The following AMPD2 variants were observed in gnomAD, a reference collection of about 807,000 sequenced individuals.
AMPD2 encodes the protein AMP deaminase 2.
A neutral mutation model predicts 91.3 loss-of-function variants in AMPD2; 52 were observed. The ratio of observed to expected loss-of-function variants is 0.57; its 90% CI spans 0.46 to 0.72. The LOEUF (loss-of-function observed/expected upper bound fraction) is 0.72. AMPD2 is among the 30% of genes least tolerant of loss of function. AMPD2 has a pLI of 0.00. For missense variants in AMPD2, 822 were observed against 1,122.3 expected, an observed-to-expected ratio of 0.73 and a Z score of 3.82; for synonymous variants, 455 against 456.4, an observed-to-expected ratio of 1.00 and a Z score of 0.04.
rs1189039709 is a variant in AMPD2, at chr1:109,631,108, AT to A, written c.2436del (p.Pro813GlnfsTer8). 6.2e-7 allele frequency: 1 copy of A among 1,606,668 alleles called. No individual in the cohort carries two copies. The highest frequency in any genetic ancestry group is 2.2e-5 in the East Asian group (1 of 44,620). The part of the protein sequence containing the change: ...QAVQSEMLET[I>X]PEEAGITMSP... ...AGTCCAGAGTGAGATGCTGGAGACCATTCCAGAGGAGGCGGGTATCACCATG... is the reference window on the plus strand; with the variant it reads ...AGTCCAGAGTGAGATGCTGGAGACCATCCAGAGGAGGCGGGTATCACCATG... On this transcript the variant is annotated frameshift_variant, in exon 19 of 19. Transcript: ENST00000528667. LOFTEE classifies it high-confidence loss of function.
At chr1:109,620,434 CAG>C in intron 1 of AMPD2, 156 bp downstream of exon 1, 1 of 818,670 alleles carries the variant, frequency 1.2e-6, no homozygotes, top group Non-Finnish European at 1.5e-6. Context: ...CCAGAGTGTG[CAG>C]AGACAGAGGA....
chr1:109,630,582 A>T (rs915545327), intron 17 of AMPD2, 101 bp from the exon 18 acceptor site: 6 of 122,374 alleles, frequency 4.9e-5, no homozygotes, highest in African/African-American at 3.3e-4. Flanking sequence ...GGTTGGGGGG[A>T]TGGGGGGGCG....
chr1:109,624,473 T>G lies in AMPD2; in HGVS notation c.92-830T>G, dbSNP rs1650487737. ...GTACAGATGGAAAGTCTAGTCTTGA[T>G]GAAGAAAGACCCCTGGCTTCTGACA... On this transcript the variant is annotated intron_variant, in intron 2 of 18. Coordinates refer to ENST00000528667, the MANE Select transcript of AMPD2 (RefSeq NM_001368809.2). This position sits in a 1 kb window ranked among gnomAD's most constrained non-coding sequence, Gnocchi z 5.2. Among the ~76,000 whole-genome samples, 1 of 152,150 alleles carries G rather than the reference T, an allele frequency of 6.6e-6. No homozygotes were observed. The highest frequency in any genetic ancestry group is 1.5e-5 in the Non-Finnish European group (1 of 68,008).
At position 109,625,885 on chromosome 1, in the gene AMPD2, T is replaced by TG. The variant is rs966765114; in HGVS notation, c.353+99dup. On this transcript the variant is annotated intron_variant, in intron 4 of 18. Coordinates refer to ENST00000528667, the MANE Select transcript of AMPD2 (RefSeq NM_001368809.2). The surrounding 1 kb of genome is among the most constrained non-coding windows in gnomAD (Gnocchi z 4.0). ...TGCCTCTTTCCCTCGCACCCTGCCT[T>TG]GGGGGGTCTGCACAGGGAGCATAGA... 1.7e-5 allele frequency: 26 copies of TG among 1,545,434 alleles called. No homozygotes were observed. Among genetic ancestry groups the TG allele is most frequent in the East Asian group, 4.7e-5 (2 of 42,920 alleles).
intron 2 of AMPD2, among the ~76,000 whole-genome samples, chr1:109,621,668 G>A (rs1650289763): frequency 6.6e-6 from 1 of 152,222 alleles, no homozygotes; most frequent in Non-Finnish European, 1.5e-5. Flanking sequence ...GGCAGGCTTA[G>A]GCTGTTCTGT....
rs867317000 is a variant in AMPD2, at chr1:109,628,710, G to T, written c.1475G>T (p.Arg492Leu). ...NAELRLSIYG[R>L]SRDEWDKLAR... is the part of the protein sequence containing the mutation. ...GAGCTGCGGCTCTCCATTTACGGGC[G>T]CTCGAGGGATGAGTGGGACAAGCTG... The change falls in exon 13 of 19, where the codon CGC becomes CTC. Residue 492 changes from arginine (R) to leucine (L), a missense_variant. Physicochemically the swap from Arg to Leu is moderately radical, Grantham distance 102 (BLOSUM62 -2). This residue lies in a region of AMPD2 where 430 missense variants were observed against 606.0 expected (regional missense o/e 0.71). Coordinates refer to ENST00000528667, the MANE Select transcript of AMPD2 (RefSeq NM_001368809.2). The surrounding 1 kb of genome is among the most constrained non-coding windows in gnomAD (Gnocchi z 7.1). The T allele has an allele frequency of 6.2e-7, 1 of 1,612,882 alleles. No individual in the cohort carries two copies. The highest frequency in any genetic ancestry group is 1.1e-5 in the South Asian group (1 of 90,892).
chr1:109,627,231 A>G lies in AMPD2; in HGVS notation c.775A>G (p.Ser259Gly). Residue 259 changes from serine to glycine, a missense_variant, in exon 8 of 19, where the codon AGC (serine) becomes GGC (glycine). By Grantham distance (56) the Ser-to-Gly change is moderately conservative (BLOSUM62 0). Transcript: ENST00000528667. ...EQHPYEHCEP[S>G]TMPGDLGLGL... ...GCACCCGTATGAGCACTGTGAGCCAAGCACCATGCCTGGGGACCTGGGCTT... is the reference window on the plus strand; with the variant it reads ...GCACCCGTATGAGCACTGTGAGCCAGGCACCATGCCTGGGGACCTGGGCTT... 2 of 1,613,342 alleles carry G rather than the reference A, an allele frequency of 1.2e-6. No individual in the cohort carries two copies. The highest frequency in any genetic ancestry group is 1.7e-6 in the Non-Finnish European group (2 of 1,179,660).
rs1650851639 is a variant in AMPD2 at position 109,627,973 on chromosome 1, C to T, written c.1080+70C>T. On this transcript the variant is annotated intron_variant, in intron 10 of 18. Coordinates refer to ENST00000528667, the MANE Select transcript of AMPD2 (RefSeq NM_001368809.2). The stretch of plus-strand genomic sequence containing the variant: ...CTCTGCCCAGCCTCCCCTTCAAGGG[C>T]CAGGCCCCCCACACAGCATCCAGTA... The T allele has an allele frequency of 6.2e-6, 10 of 1,606,420 alleles. No homozygotes were observed. The South Asian group carries it at 1.0e-4, about 16-fold the overall frequency.
chr1:109,625,888 G>C lies in AMPD2; in HGVS notation c.353+96G>C. On this transcript the variant is annotated intron_variant, in intron 4 of 18. Transcript: ENST00000528667. This position sits in a 1 kb window ranked among gnomAD's most constrained non-coding sequence, Gnocchi z 4.0. ...CTCTTTCCCTCGCACCCTGCCTTGG[G>C]GGGTCTGCACAGGGAGCATAGAGTG... 6.5e-7 allele frequency: 1 copy of C among 1,544,046 alleles called. No individual in the cohort carries two copies. Among genetic ancestry groups the C allele is most frequent in the Non-Finnish European group, 8.8e-7 (1 of 1,141,206 alleles).
At chr1:109,630,573 G>A (rs1369855226) in intron 17 of AMPD2, 110 bp from the exon 18 acceptor site, 8 of 986,128 alleles carry the variant, frequency 8.1e-6, no homozygotes, top group Non-Finnish European at 1.2e-5. Flanking sequence ...GGGTTGGGGG[G>A]TTGGGGGGAT....
In AMPD2 at chr1:109,630,412, AGCCCAGCAGGCAGC is replaced by A. The variant is rs1651115042; in HGVS notation, c.2157+7_2157+20del. ...TGCAGTTCCACTTCACCAAGGTCAG[AGCCCAGCAGGCAGC>A]CAGGCGGGCGGGCGTCCCAGGACGC... On this transcript the variant is annotated splice_region_variant and intron_variant, in intron 17 of 18. Transcript: ENST00000528667. 1.5e-6 allele frequency: 2 copies of A among 1,355,140 alleles called. No individual in the cohort carries two copies. The highest frequency in any genetic ancestry group is 2.0e-6 in the Non-Finnish European group (2 of 1,021,502). The allele number at this position is 1,355,140 out of a possible 1,614,324, so 83.9% of individuals were successfully genotyped here. A position where few individuals can be genotyped will look rare whatever the true frequency, so the allele number is the denominator to read the frequency against.
At chr1:109,629,277 G>C (rs770016875) in intron 14 of AMPD2, 42 bp downstream of exon 14, 1 of 1,613,938 alleles carries the variant, frequency 6.2e-7, no homozygotes, top group South Asian at 1.1e-5. Context: ...AGGGCAGCCG[G>C]CTTCGCATCC....
At chr1:109,627,356 G>C in intron 8 of AMPD2, 40 bp downstream of exon 8, 1 of 1,611,628 alleles carries the variant, frequency 6.2e-7, no homozygotes, top group South Asian at 1.1e-5. Context: ...ATGCAGCGTG[G>C]GAGGTTGCGT....
rs764361647 is a variant in AMPD2, at chr1:109,631,094, A to G, written c.2420A>G (p.Glu807Gly). ...LALITQAVQSEMLETIPEEAG... is the reference protein window; with the variant it reads ...LALITQAVQSGMLETIPEEAG... The stretch of plus-strand genomic sequence containing the variant: ...CTCATCACGCAGGCAGTCCAGAGTG[A>G]GATGCTGGAGACCATTCCAGAGGAG... The change falls in exon 19 of 19, where the codon GAG (glutamate) becomes GGG (glycine). Residue 807 changes from glutamate (E) to glycine (G), a missense_variant. Around this residue, in one of 5 missense-constraint regions of AMPD2, gnomAD observed 430 missense variants for 606.0 expected, o/e 0.71. Coordinates refer to ENST00000528667, the MANE Select transcript of AMPD2 (RefSeq NM_001368809.2). 10 of 1,610,520 alleles carry G rather than the reference A, an allele frequency of 6.2e-6. No homozygotes were observed. Among genetic ancestry groups the G allele is most frequent in the Non-Finnish European group, 8.5e-6 (10 of 1,178,548 alleles).
At chr1:109,620,882 T>G in intron 1 of AMPD2, 32 bp from the exon 2 acceptor site, 1 of 1,441,818 alleles carries the variant, frequency 6.9e-7, no homozygotes, top group Non-Finnish European at 9.1e-7. Context: ...CCCATCTTCT[T>G]TTCTACCCAC....
Position 109,625,751 on chromosome 1 carries a change from G to A in AMPD2, c.312G>A (p.Glu104=). The change falls in exon 4 of 19, where the codon GAG becomes GAA. Residue 104 remains glutamate (E), a synonymous_variant. Transcript: ENST00000528667. The surrounding 1 kb of genome is among the most constrained non-coding windows in gnomAD (Gnocchi z 4.0). ...PEESPIEQLE[E]RRQRLERQIS... ...AGAGCCCCATTGAACAGCTGGAGGAGCGGCGGCAGCGGCTGGAGCGGCAGA... is the reference window on the plus strand; with the variant it reads ...AGAGCCCCATTGAACAGCTGGAGGAACGGCGGCAGCGGCTGGAGCGGCAGA... The A allele has an allele frequency of 3.1e-6, 5 of 1,614,078 alleles. No individual in the cohort carries two copies. The highest frequency in any genetic ancestry group is 4.2e-6 in the Non-Finnish European group (5 of 1,180,004).
chr1:109,620,178 C>T lies in AMPD2; in HGVS notation c.-363C>T. 3.8e-6 allele frequency: 6 copies of T among 1,572,822 alleles called. No homozygotes were observed. Among genetic ancestry groups the T allele is most frequent in the Non-Finnish European group, 5.3e-6 (6 of 1,142,814 alleles). On this transcript the variant is annotated 5_prime_UTR_variant, in exon 1 of 19. Transcript: ENST00000528667. ...GCCCTTGGAGTGACTTGGCTGGGGT[C>T]TGTGGCCCGATCCCCCTGCCGTCCC...
chr1:109,627,156 A>AC lies in AMPD2; in HGVS notation c.719-16dup, dbSNP rs553433815. The AC allele has an allele frequency of 2.3e-5, 37 of 1,611,128 alleles. No individual in the cohort carries two copies. The highest frequency in any genetic ancestry group is 3.1e-5 in the Non-Finnish European group (37 of 1,179,498). On this transcript the variant is annotated intron_variant, in intron 7 of 18. Coordinates refer to ENST00000528667, the MANE Select transcript of AMPD2 (RefSeq NM_001368809.2). Reference sequence around the variant, plus strand: ...CTTGGAAGAGCCCTGCTCTGACTTTACCCTCCTCACCCCTGCAGATGCCCC... The same window carrying AC: ...CTTGGAAGAGCCCTGCTCTGACTTTACCCCTCCTCACCCCTGCAGATGCCCC...
At chr1:109,630,471 T>C in intron 17 of AMPD2, 65 bp downstream of exon 17, 1 of 44,494 alleles carries the variant, frequency 2.2e-5, no homozygotes, top group Non-Finnish European at 3.8e-5. Context: ...CCGGGTTGGG[T>C]GGGGGGCGGT....
Sources: allele counts gnomAD v4.1 joint callset (sites outside exome capture counted in the v4.1 genomes callset), GRCh38; gene constraint gnomAD v4.1.1; regional missense constraint gnomAD v4.1.1; non-coding constraint Gnocchi (gnomAD v3.1); transcripts MANE v1.5; gene names NCBI Gene and HGNC (gene_info 2026-07-23, HGNC 2026-07-21).